PRELID2: variants seen among roughly 807,000 people sequenced by gnomAD.
The protein encoded by PRELID2 is PRELI domain containing 2.
In PRELID2, 25 loss-of-function variants were observed where a neutral mutation model predicts 28.4. That is an observed-to-expected ratio of 0.88 (90% CI 0.64 to 1.23). PRELID2 has a LOEUF of 1.23. PRELID2 is among the 50% of genes most tolerant of loss of function. The probability of loss-of-function intolerance (pLI) is 0.00; values close to 1 mark genes in which losing one functional copy is unlikely to be tolerated. For missense variants in PRELID2, 201 were observed against 214.4 expected, an observed-to-expected ratio of 0.94 and a Z score of 0.39; for synonymous variants, 76 against 71.6, an observed-to-expected ratio of 1.06 and a Z score of -0.31.
the PRELID2 span, among the ~76,000 whole-genome samples, chr5:145,285,081 T>C: frequency 2.6e-4 from 39 of 152,136 alleles, 1 homozygote; most frequent in Admixed American, 4.6e-4. Context: ...GTCATGCAAT[T>C]GGTAACGGTC....
At chr5:145,742,904 T>G (rs1245296819) in intron 1 of PRELID2, among the ~76,000 whole-genome samples, 1 of 151,994 alleles carries the variant, frequency 6.6e-6, no homozygotes, top group African/African-American at 2.4e-5. Context: ...TAAAATGGGT[T>G]ATCACTAAAA....
intron 1 of PRELID2, among the ~76,000 whole-genome samples, chr5:145,609,338 C>G (rs979528427): frequency 1.3e-5 from 2 of 152,232 alleles, no homozygotes; most frequent in Non-Finnish European, 2.9e-5. Flanking sequence ...AAAATATTCT[C>G]TGGCTTTTTG....
At chr5:145,510,300 G>A (rs552447403) in intron 1 of PRELID2, among the ~76,000 whole-genome samples, 24 of 152,212 alleles carry the variant, frequency 1.6e-4, no homozygotes, top group African/African-American at 5.5e-4. Context: ...CTTTTTCCCA[G>A]ACTCTTTAGA....
intron 1 of PRELID2, among the ~76,000 whole-genome samples, chr5:145,716,133 A>G (rs1042388244): frequency 2.0e-5 from 3 of 152,136 alleles, no homozygotes; most frequent in African/African-American, 2.4e-5. Flanking sequence ...TCTTCTTCCA[A>G]TGTGGCCCAG....
intron 1 of PRELID2, among the ~76,000 whole-genome samples, chr5:145,664,350 C>A (rs1754548559): frequency 6.6e-6 from 1 of 152,084 alleles, no homozygotes; most frequent in Non-Finnish European, 1.5e-5. Flanking sequence ...TTTGAGCAAG[C>A]AAGAACAAGA....
intron 5 of PRELID2, among the ~76,000 whole-genome samples, chr5:145,789,056 T>C (rs1303481578): frequency 1.1e-4 from 17 of 152,180 alleles, no homozygotes; most frequent in Admixed American, 1.1e-3. Context: ...TTAATATTGC[T>C]AACTTATCCA....
chr5:145,280,128 CAGAT>C, the PRELID2 span, among the ~76,000 whole-genome samples: 3 of 152,202 alleles, frequency 2.0e-5, no homozygotes, highest in Non-Finnish European at 2.9e-5. Context: ...ATTTTGGTGA[CAGAT>C]AGGGTTCAGG....
intron 1 of PRELID2, among the ~76,000 whole-genome samples, chr5:145,635,464 C>A (rs1753987771): frequency 6.6e-6 from 1 of 152,256 alleles, no homozygotes; most frequent in Non-Finnish European, 1.5e-5. Flanking sequence ...TTGAATACTT[C>A]ATATTCATTA....
At position 145,673,182 on chromosome 5, in the gene PRELID2, C is replaced by T. The variant is rs78528828; in HGVS notation, n.70+91749G>A. On this transcript the variant is annotated intron_variant and non_coding_transcript_variant, in intron 1 of 2. Transcript: ENST00000510259. ...CAGCAAAGTGCCCAATATGCCTCTT[C>T]CAACCTAGGGTTGAAGGCAGCCAAC... 5.8e-3 allele frequency among the ~76,000 whole-genome samples: 881 copies of T among 152,280 alleles called. 12 individuals are homozygous for T. Among genetic ancestry groups the T allele is most frequent in the African/African-American group, 0.02 (816 of 41,554 alleles).
the PRELID2 span, among the ~76,000 whole-genome samples, chr5:145,281,253 T>C: frequency 6.6e-6 from 1 of 152,202 alleles, no homozygotes; most frequent in Non-Finnish European, 1.5e-5. Flanking sequence ...GGTAAATTTA[T>C]TTATTGGAAC....
chr5:145,623,633 A>ATAGGTAGG (rs1199885939), intron 1 of PRELID2, among the ~76,000 whole-genome samples: 1 of 151,226 alleles, frequency 6.6e-6, no homozygotes, highest in African/African-American at 2.5e-5. Context: ...AGGTAGGTAG[A>ATAGGTAGG]TAGGTAGGTA....
chr5:145,340,939 C>T, the PRELID2 span, among the ~76,000 whole-genome samples: 10 of 151,778 alleles, frequency 6.6e-5, no homozygotes, highest in African/African-American at 9.7e-5. Context: ...AACTTCATCA[C>T]AGCCTCCCCT....
chr5:145,265,134 AG>A, the PRELID2 span, among the ~76,000 whole-genome samples: 8 of 152,124 alleles, frequency 5.3e-5, no homozygotes, highest in African/African-American at 1.9e-4. Context: ...AATGTATAAA[AG>A]TCAGTAGCTC....
the PRELID2 span, among the ~76,000 whole-genome samples, chr5:145,319,721 A>C: frequency 1.7e-4 from 26 of 151,452 alleles, no homozygotes; most frequent in Middle Eastern, 3.4e-3. Flanking sequence ...ATAAATAAAT[A>C]AATAAATAAT....
chr5:145,295,010 G>A, the PRELID2 span, among the ~76,000 whole-genome samples: 1 of 152,100 alleles, frequency 6.6e-6, no homozygotes, highest in Non-Finnish European at 1.5e-5. Flanking sequence ...AGGTACTAGG[G>A]AACATAGATA....
At chr5:145,474,069 A>G (rs1473406026) in intron 1 of PRELID2, among the ~76,000 whole-genome samples, 1 of 152,162 alleles carries the variant, frequency 6.6e-6, no homozygotes, top group Non-Finnish European at 1.5e-5. Flanking sequence ...CTTCAACCCA[A>G]TGTTGATAGC....
At chr5:145,229,161 A>G in the PRELID2 span, 1 of 962,356 alleles carries the variant, frequency 1.0e-6, no homozygotes, top group South Asian at 1.3e-5. Flanking sequence ...TGTGTCCCAC[A>G]GCCCCACAAG....
the PRELID2 span, among the ~76,000 whole-genome samples, chr5:145,257,547 G>T: frequency 6.6e-6 from 1 of 152,128 alleles, no homozygotes; most frequent in African/African-American, 2.4e-5. Context: ...ATTATAAGTC[G>T]GAGATTGCCA....
the PRELID2 span, among the ~76,000 whole-genome samples, chr5:145,396,759 T>C: frequency 1.3e-5 from 2 of 151,842 alleles, no homozygotes; most frequent in Admixed American, 6.6e-5. Context: ...GAATAAATGC[T>C]ATGGAAGCAA....
Sources: allele counts gnomAD v4.1 joint callset (sites outside exome capture counted in the v4.1 genomes callset), GRCh38; gene constraint gnomAD v4.1.1; transcripts MANE v1.5; gene names NCBI Gene and HGNC (gene_info 2026-07-23, HGNC 2026-07-21).